ARHGAP12: variants seen among roughly 807,000 people sequenced by gnomAD.
ARHGAP12 encodes the protein Rho GTPase activating protein 12, also known as rho GTPase-activating protein 12.
In ARHGAP12, 64 loss-of-function variants were observed where a neutral mutation model predicts 108.6. The observed-to-expected ratio is 0.59, with a 90% confidence interval of 0.48 to 0.73. The LOEUF is 0.73. ARHGAP12 is among the 30% of genes least tolerant of loss of function. The pLI, the probability that ARHGAP12 is intolerant of heterozygous loss-of-function variation, is 0.00. For missense variants in ARHGAP12, 940 were observed against 1,005.9 expected, an observed-to-expected ratio of 0.93 and a Z score of 0.89; for synonymous variants, 312 against 337.2, an observed-to-expected ratio of 0.93 and a Z score of 0.82.
chr10:31,817,919 G>A (rs1835268315), intron 12 of ARHGAP12, 33 bp from the exon 13 acceptor site: 1 of 1,549,398 alleles, frequency 6.5e-7, no homozygotes, highest in African/African-American at 1.4e-5. Context: ...AAAAGAGTAT[G>A]GTCAGTTTGT....
At chr10:31,840,065 T>G (rs1364035773) in intron 7 of ARHGAP12, among the ~76,000 whole-genome samples, 1 of 152,090 alleles carries the variant, frequency 6.6e-6, no homozygotes, top group Non-Finnish European at 1.5e-5. Context: ...GTTATAATCA[T>G]GATACTAACT....
chr10:31,808,241 G>A (rs772808819), intron 19 of ARHGAP12, among the ~76,000 whole-genome samples: 2 of 151,404 alleles, frequency 1.3e-5, no homozygotes, highest in African/African-American at 4.9e-5. Context: ...ACTCTCTCTA[G>A]CTGGGATTTT....
At chr10:31,872,140 T>C (rs1218564329) in intron 3 of ARHGAP12, among the ~76,000 whole-genome samples, 7 of 152,194 alleles carry the variant, frequency 4.6e-5, no homozygotes, top group African/African-American at 1.4e-4. Flanking sequence ...CTTGCACAAA[T>C]TGGCACTCAA....
chr10:31,818,768 C>T (rs1835302391), intron 12 of ARHGAP12, among the ~76,000 whole-genome samples: 1 of 152,170 alleles, frequency 6.6e-6, no homozygotes, highest in Non-Finnish European at 1.5e-5. Flanking sequence ...ACTAGATTCT[C>T]TCCTTCAAGA....
intron 3 of ARHGAP12, among the ~76,000 whole-genome samples, chr10:31,875,760 T>C (rs1331365445): frequency 6.6e-6 from 1 of 152,170 alleles, no homozygotes; most frequent in Non-Finnish European, 1.5e-5. Flanking sequence ...CCCACTACGG[T>C]GCAACCATCA....
At chr10:31,894,840 T>C (rs1838613003) in intron 3 of ARHGAP12, among the ~76,000 whole-genome samples, 1 of 152,184 alleles carries the variant, frequency 6.6e-6, no homozygotes. Flanking sequence ...GCTACCTGAC[T>C]TCAAACTATA....
intron 1 of ARHGAP12, among the ~76,000 whole-genome samples, chr10:31,920,645 C>T (rs1255835919): frequency 6.6e-6 from 1 of 151,930 alleles, no homozygotes; most frequent in Non-Finnish European, 1.5e-5. Context: ...TTAGGTATCA[C>T]TACACATCAA....
Position 31,854,124 on chromosome 10 carries a change from G to A in ARHGAP12, c.1031C>T (p.Ser344Leu), listed in dbSNP as rs1836798401. Residue 344 changes from serine to leucine, a missense_variant, in exon 5 of 20, where the codon TCA becomes TTA. Coordinates refer to ENST00000344936, the MANE Select transcript of ARHGAP12 (RefSeq NM_018287.7). The stretch of plus-strand genomic sequence containing the variant: ...ATGCCCACGTTCATCCAACTCTTCT[G>A]ACCAACCCCTTGGAGGAGAACCACA... ...SQCGSPPRGWSEELDERGHTL... is the reference protein window; with the variant it reads ...SQCGSPPRGWLEELDERGHTL... The A allele has an allele frequency of 1.2e-6, 2 of 1,613,862 alleles. No homozygotes were observed. Among genetic ancestry groups the A allele is most frequent in the Non-Finnish European group, 1.7e-6 (2 of 1,179,904 alleles).
intron 4 of ARHGAP12, among the ~76,000 whole-genome samples, chr10:31,859,363 T>C (rs966225607): frequency 2.6e-5 from 4 of 152,234 alleles, no homozygotes; most frequent in African/African-American, 2.4e-5. Context: ...CAGATATCCA[T>C]TAAAGTTCAA....
intron 3 of ARHGAP12, among the ~76,000 whole-genome samples, chr10:31,862,154 C>T (rs1837139781): frequency 6.6e-6 from 1 of 152,114 alleles, no homozygotes; most frequent in Non-Finnish European, 1.5e-5. Flanking sequence ...ATTTCATATT[C>T]TAAGCTCTAA....
At chr10:31,865,822 G>T (rs1219241349) in intron 3 of ARHGAP12, among the ~76,000 whole-genome samples, 2 of 150,788 alleles carry the variant, frequency 1.3e-5, no homozygotes, top group Non-Finnish European at 2.9e-5. Flanking sequence ...AGCTTGCAGT[G>T]AGCCAAGACC....
At chr10:31,843,964 T>C (rs967404163) in intron 6 of ARHGAP12, among the ~76,000 whole-genome samples, 1 of 152,212 alleles carries the variant, frequency 6.6e-6, no homozygotes, top group Non-Finnish European at 1.5e-5. Context: ...ATATTAACTA[T>C]CATAATTTAT....
chr10:31,816,898 T>TTA (rs1422352088), intron 13 of ARHGAP12, among the ~76,000 whole-genome samples: 7 of 152,170 alleles, frequency 4.6e-5, no homozygotes, highest in Admixed American at 4.6e-4. Flanking sequence ...AAGGAAGAAT[T>TTA]TATATATAGC....
intron 5 of ARHGAP12, among the ~76,000 whole-genome samples, chr10:31,852,988 A>C (rs952161327): frequency 6.6e-6 from 1 of 152,272 alleles, no homozygotes; most frequent in African/African-American, 2.4e-5. Context: ...TCGGCCTCCC[A>C]AAGTGCTGGG....
chr10:31,908,444 G>C lies in ARHGAP12; in HGVS notation c.412C>G (p.Pro138Ala). The change falls in exon 3 of 20, where the codon CCC (proline) becomes GCC (alanine). Residue 138 changes from proline to alanine, a missense_variant. Physicochemically the swap from Pro to Ala is conservative, Grantham distance 27. Coordinates refer to ENST00000344936, the MANE Select transcript of ARHGAP12 (RefSeq NM_018287.7). The part of the protein sequence containing the change: ...LIRDANQNFG[P>A]SYNQGQTVNL... ...ACAGTCTGACCTTGATTATAACTGG[G>C]TCCAAAATTCTGATTGGCATCACGA... 7 of 1,614,184 alleles carry C rather than the reference G, an allele frequency of 4.3e-6. No homozygotes were observed. The highest frequency in any genetic ancestry group is 5.9e-6 in the Non-Finnish European group (7 of 1,180,028).
intron 3 of ARHGAP12, among the ~76,000 whole-genome samples, chr10:31,887,812 C>T (rs1838246867): frequency 6.6e-6 from 1 of 152,024 alleles, no homozygotes; most frequent in African/African-American, 2.4e-5. Flanking sequence ...TGCCCACTAC[C>T]ACACCTGGCT....
intron 4 of ARHGAP12, among the ~76,000 whole-genome samples, chr10:31,859,642 A>G (rs1159947665): frequency 6.6e-6 from 1 of 152,204 alleles, no homozygotes. Context: ...AATAGCTAAG[A>G]AACATGTTAA....
intron 3 of ARHGAP12, among the ~76,000 whole-genome samples, chr10:31,895,583 C>G (rs1838648363): frequency 6.6e-6 from 1 of 152,150 alleles, no homozygotes; most frequent in South Asian, 2.1e-4. Flanking sequence ...ATTAAAAAGT[C>G]AGGAAACAAC....
At chr10:31,887,514 C>G (rs1470925722) in intron 3 of ARHGAP12, among the ~76,000 whole-genome samples, 1 of 152,146 alleles carries the variant, frequency 6.6e-6, no homozygotes, top group Admixed American at 6.5e-5. Context: ...AGGTTATTTA[C>G]TACATTATCT....
Sources: gnomAD v4.1 joint callset for allele counts (sites outside exome capture counted in the v4.1 genomes callset) on GRCh38, gnomAD v4.1.1 for gene constraint, MANE v1.5 for transcripts, NCBI Gene and HGNC (gene_info 2026-07-23, HGNC 2026-07-21) for gene names.